Variants in L3MBTL4 observed in about 807,000 individuals in gnomAD.
L3MBTL4 encodes the protein lethal(3)malignant brain tumor-like protein 4.
Under a neutral mutation model 84.5 loss-of-function variants are expected in L3MBTL4, and 70 were observed. That is an observed-to-expected ratio of 0.83 (90% CI 0.68 to 1.01). The LOEUF (loss-of-function observed/expected upper bound fraction) is 1.01, where lower values mean the gene tolerates loss of function less well. L3MBTL4 is among the 50% of genes least tolerant of loss of function. The pLI, the probability that L3MBTL4 is intolerant of heterozygous loss-of-function variation, is 0.00. For synonymous variants in L3MBTL4, 274 were observed against 259.8 expected, an observed-to-expected ratio of 1.05 and a Z score of -0.52; for missense variants, 715 against 754.8, an observed-to-expected ratio of 0.95 and a Z score of 0.62.
chr18:6,133,333 T>TCACACACACACACACA (rs71699994), intron 14 of L3MBTL4, among the ~76,000 whole-genome samples: 18 of 146,694 alleles, frequency 1.2e-4, no homozygotes, highest in African/African-American at 4.3e-4. Flanking sequence ...CAGCTCTAGA[T>TCACACACACACACACA]CACACACACA....
At chr18:6,246,038 A>G (rs933048529) in intron 5 of L3MBTL4, among the ~76,000 whole-genome samples, 2 of 152,204 alleles carry the variant, frequency 1.3e-5, no homozygotes, top group African/African-American at 2.4e-5. Flanking sequence ...TGAATAGTCC[A>G]TACTTGAATT....
chr18:5,990,014 G>A (rs535587928), intron 16 of L3MBTL4, among the ~76,000 whole-genome samples: 11 of 152,264 alleles, frequency 7.2e-5, no homozygotes, highest in South Asian at 2.1e-4. Flanking sequence ...ATGAGCTTGC[G>A]TTCTCTCCGG....
chr18:5,981,389 C>T (rs2053207250), intron 16 of L3MBTL4, among the ~76,000 whole-genome samples: 2 of 152,110 alleles, frequency 1.3e-5, no homozygotes, highest in Admixed American at 1.3e-4. Flanking sequence ...AGACTTCAGT[C>T]TTTTCTTTAA....
intron 16 of L3MBTL4, among the ~76,000 whole-genome samples, chr18:6,070,666 A>G (rs1255991157): frequency 6.6e-6 from 1 of 151,628 alleles, no homozygotes; most frequent in Admixed American, 6.6e-5. Flanking sequence ...AAAACAAAAA[A>G]CAAAAAACAA....
chr18:6,413,901 G>A (rs914720721), intron 1 of L3MBTL4: 1 of 152,290 alleles, frequency 6.6e-6, no homozygotes. Flanking sequence ...GTAAGATAAA[G>A]CACACTTCGC....
In L3MBTL4 at chr18:6,345,842, C is replaced by A. The variant is rs183855495; in HGVS notation, c.-90-33786G>T. The stretch of plus-strand genomic sequence containing the variant: ...AAACTATCCTAAAATTAATATGGAA[C>A]CACAAAAGACCACTAATAGCCAAAG... On this transcript the variant is annotated intron_variant, in intron 1 of 18. Transcript: ENST00000317931. 4.2e-3 allele frequency among the ~76,000 whole-genome samples: 641 copies of A among 151,984 alleles called. 8 individuals carry two copies. The highest frequency in any genetic ancestry group is 0.014 in the African/African-American group (594 of 41,502).
At chr18:6,135,338 A>AT (rs1353779169) in intron 14 of L3MBTL4, among the ~76,000 whole-genome samples, 1 of 152,202 alleles carries the variant, frequency 6.6e-6, no homozygotes, top group Admixed American at 6.5e-5. Context: ...GGGGATTATC[A>AT]TTAGGCTCCT....
intron 17 of L3MBTL4, among the ~76,000 whole-genome samples, chr18:5,966,955 A>G (rs781680805): frequency 6.6e-6 from 1 of 152,018 alleles, no homozygotes; most frequent in Non-Finnish European, 1.5e-5. Flanking sequence ...ATTGAATCTG[A>G]GTTCTTTTCT....
At position 6,198,865 on chromosome 18, in the gene L3MBTL4, TTTA is replaced by T. The variant is rs373899433; in HGVS notation, c.981+14281_981+14283del. 7.9e-5 allele frequency among the ~76,000 whole-genome samples: 12 copies of T among 152,288 alleles called. No individual in the cohort carries two copies. The East Asian group carries it at 1.9e-3, about 25-fold the overall frequency. ...TCTTAGTCTGATGAGGTAGCATCTA[TTTA>T]TTATGATGTTCACAATCCTGAAAAT... On this transcript the variant is annotated intron_variant, in intron 12 of 18. Coordinates refer to ENST00000317931, the MANE Select transcript of L3MBTL4 (RefSeq NM_001330559.2).
At chr18:6,339,880 G>C (rs2052525184) in intron 1 of L3MBTL4, among the ~76,000 whole-genome samples, 3 of 152,014 alleles carry the variant, frequency 2.0e-5, no homozygotes, top group African/African-American at 7.2e-5. Flanking sequence ...TCAAGAAAAT[G>C]TTAAAAATCT....
chr18:5,992,012 AT>A (rs2053721775), intron 16 of L3MBTL4, among the ~76,000 whole-genome samples: 2 of 151,882 alleles, frequency 1.3e-5, no homozygotes, highest in Non-Finnish European at 2.9e-5. Context: ...CCATCCATCC[AT>A]CCATCCATCC....
intron 1 of L3MBTL4, among the ~76,000 whole-genome samples, chr18:6,362,107 A>C (rs1017356889): frequency 6.9e-6 from 1 of 145,864 alleles, no homozygotes; most frequent in African/African-American, 2.6e-5. Context: ...AGACACTATC[A>C]AAAAAAGAAG....
chr18:6,195,915 C>T (rs1020098871), intron 12 of L3MBTL4, among the ~76,000 whole-genome samples: 2 of 152,110 alleles, frequency 1.3e-5, no homozygotes, highest in African/African-American at 2.4e-5. Flanking sequence ...GAAGCTGTGT[C>T]GGCTTAGTTC....
chr18:6,342,713 AT>A (rs1483396974), intron 1 of L3MBTL4, among the ~76,000 whole-genome samples: 9 of 152,276 alleles, frequency 5.9e-5, no homozygotes, highest in Admixed American at 2.6e-4. Flanking sequence ...TTACTGAAAT[AT>A]TTTTAGTAAG....
At chr18:5,993,218 TC>T (rs1228474763) in intron 16 of L3MBTL4, among the ~76,000 whole-genome samples, 1 of 152,168 alleles carries the variant, frequency 6.6e-6, no homozygotes, top group Non-Finnish European at 1.5e-5. Flanking sequence ...CAGCAACATT[TC>T]CACATAAACC....
chr18:6,035,588 C>T (rs1373578407), intron 16 of L3MBTL4, among the ~76,000 whole-genome samples: 1 of 152,170 alleles, frequency 6.6e-6, no homozygotes, highest in Non-Finnish European at 1.5e-5. Flanking sequence ...AGTGTGATGC[C>T]TCTGGCTTTG....
intron 1 of L3MBTL4, among the ~76,000 whole-genome samples, chr18:6,317,898 C>T (rs1167895711): frequency 6.6e-6 from 1 of 152,156 alleles, no homozygotes; most frequent in Non-Finnish European, 1.5e-5. Flanking sequence ...AAACTAACAG[C>T]AGTCTTCTTA....
intron 13 of L3MBTL4, among the ~76,000 whole-genome samples, chr18:6,142,342 T>C (rs546421986): frequency 6.6e-6 from 1 of 152,322 alleles, no homozygotes; most frequent in South Asian, 2.1e-4. Flanking sequence ...GCAGCTTATA[T>C]ATAAACAGCA....
At chr18:6,089,284 G>A (rs1439261022) in intron 15 of L3MBTL4, among the ~76,000 whole-genome samples, 2 of 152,046 alleles carry the variant, frequency 1.3e-5, no homozygotes, top group Non-Finnish European at 1.5e-5. Flanking sequence ...ATAATAAAAC[G>A]TGCTCAAGAC....
Sources: gnomAD v4.1 joint callset for allele counts (sites outside exome capture counted in the v4.1 genomes callset) on GRCh38, gnomAD v4.1.1 for gene constraint, MANE v1.5 for transcripts, NCBI Gene and HGNC (gene_info 2026-07-23, HGNC 2026-07-21) for gene names.